Variants in MYO7A observed in about 807,000 individuals in gnomAD.
The protein encoded by MYO7A is unconventional myosin-VIIa.
MYO7A carries 210 observed loss-of-function variants against 263.8 expected under a neutral mutation model. The ratio of observed to expected loss-of-function variants is 0.80; its 90% CI spans 0.71 to 0.89. MYO7A has a LOEUF of 0.89. Ranked by LOEUF, MYO7A falls within the 40% of genes least tolerant of loss-of-function variation. The pLI is 0.00. For synonymous variants in MYO7A, 1,239 were observed against 1,197.3 expected (o/e 1.03, Z -0.72); for missense variants, 2,820 against 2,968.3 (o/e 0.95, Z 1.16).
Position 77,191,598 on chromosome 11 carries a change from G to GC in MYO7A, c.3925-452dup, listed in dbSNP as rs1484288057. On this transcript the variant is annotated intron_variant, in intron 30 of 48. Transcript: ENST00000409709. ...GAAGCAGCTGGAGTGTGGGCGTCCC[G>GC]CAGACTCACCTCGGAGGCTGGAGCC... Among the ~76,000 whole-genome samples the GC allele has an allele frequency of 3.9e-5, 6 of 152,316 alleles. No individual in the cohort carries two copies. In the East Asian group the frequency reaches 1.2e-3, roughly 29 times the overall value.
Position 77,155,988 on chromosome 11 carries a change from A to G in MYO7A, c.367A>G (p.Thr123Ala). 6.2e-7 allele frequency: 1 copy of G among 1,613,744 alleles called. No individual in the cohort carries two copies. The highest frequency in any genetic ancestry group is 8.5e-7 in the Non-Finnish European group (1 of 1,179,812). Residue 123 changes from threonine to alanine, a missense_variant, in exon 5 of 49, where the codon ACC becomes GCC. Thr to Ala is a moderately conservative substitution (Grantham distance 58). Coordinates refer to ENST00000409709, the MANE Select transcript of MYO7A (RefSeq NM_000260.4). ...IYSPEHIRQY[T>A]NKKIGEMPPH... ...CTCGCCAGAGCACATCCGCCAGTAT[A>G]CCAACAAGAAGATTGGGGAGATGCC... is the stretch of plus-strand genomic sequence containing the variant.
intron 16 of MYO7A, among the ~76,000 whole-genome samples, chr11:77,173,356 T>C (rs2035309537): frequency 6.6e-6 from 1 of 152,198 alleles, no homozygotes; most frequent in Admixed American, 6.5e-5. Context: ...CCTGGAAGCC[T>C]CCCCCATCTC....
intron 2 of MYO7A, among the ~76,000 whole-genome samples, chr11:77,142,287 G>A (rs781958103): frequency 6.6e-6 from 1 of 152,248 alleles, no homozygotes; most frequent in Non-Finnish European, 1.5e-5. Flanking sequence ...CCCTGGAGGT[G>A]AAGGAGGCTG....
chr11:77,145,584 C>T (rs782260023), intron 3 of MYO7A, among the ~76,000 whole-genome samples: 4 of 151,856 alleles, frequency 2.6e-5, no homozygotes, highest in East Asian at 3.9e-4. Flanking sequence ...GAGCGGGGAC[C>T]GCATGGGGGG....
chr11:77,158,139 G>C (rs1952669380), intron 8 of MYO7A, 138 bp from the exon 9 acceptor site: 1 of 802,042 alleles, frequency 1.2e-6, no homozygotes, highest in Admixed American at 3.4e-5. Flanking sequence ...GTGCTCACCG[G>C]GTGAGGTCAG....
In MYO7A at chr11:77,180,082, G is replaced by A. The variant is rs189272145; in HGVS notation, c.2586+129G>A. 1,525 of 1,008,524 alleles carry A rather than the reference G, an allele frequency of 1.5e-3. 1 individual carries two copies. Among genetic ancestry groups the A allele is most frequent in the Non-Finnish European group, 1.8e-3 (1,237 of 705,454 alleles). 62.5% of individuals were successfully genotyped at this position (1,008,524 alleles called of 1,614,324 possible). On this transcript the variant is annotated intron_variant, in intron 21 of 48. Coordinates refer to ENST00000409709, the MANE Select transcript of MYO7A (RefSeq NM_000260.4). Reference sequence around the variant, plus strand: ...CCTGCAGTTATGCCTGCTCTGAGGAGTGCACATACCTGGGACCAGACCCTC... The same window carrying A: ...CCTGCAGTTATGCCTGCTCTGAGGAATGCACATACCTGGGACCAGACCCTC...
At position 77,155,427 on chromosome 11, in the gene MYO7A, C is replaced by A. The variant is rs182899099; in HGVS notation, c.286-480C>A. Among the ~76,000 whole-genome samples, 81 of 152,324 alleles carry A rather than the reference C, an allele frequency of 5.3e-4. No individual in the cohort carries two copies. In the East Asian group the frequency reaches 0.011, roughly 21 times the overall value. On this transcript the variant is annotated intron_variant, in intron 4 of 48. Coordinates refer to ENST00000409709, the MANE Select transcript of MYO7A (RefSeq NM_000260.4). ...GCCACTTACCCCAGCTCCTTCAGCT[C>A]TTTATGGCTAATTTCTCACGCCCCT...
Position 77,202,295 on chromosome 11 carries a change from C to T in MYO7A, c.5044-5C>T, listed in dbSNP as rs1041052101. Reference sequence around the variant, plus strand: ...GACCTGAGCCCCCTGTCTCTTGGTCCCTAGGCCCTGGTCACCATGACTCCC... The same window carrying T: ...GACCTGAGCCCCCTGTCTCTTGGTCTCTAGGCCCTGGTCACCATGACTCCC... On this transcript the variant is annotated splice_region_variant and splice_polypyrimidine_tract_variant and intron_variant, in intron 36 of 48. Transcript: ENST00000409709. 6.3e-7 allele frequency: 1 copy of T among 1,583,252 alleles called. No homozygotes were observed. Among genetic ancestry groups the T allele is most frequent in the Non-Finnish European group, 8.6e-7 (1 of 1,163,750 alleles).
At chr11:77,170,285 G>A (rs181413635) in intron 15 of MYO7A, among the ~76,000 whole-genome samples, 5 of 152,278 alleles carry the variant, frequency 3.3e-5, no homozygotes, top group Admixed American at 3.3e-4. Flanking sequence ...TCCAGAGGAA[G>A]GGCTTTGCAG....
chr11:77,188,935 G>A (rs1342799200), intron 27 of MYO7A, among the ~76,000 whole-genome samples: 6 of 152,146 alleles, frequency 3.9e-5, no homozygotes, highest in Non-Finnish European at 7.3e-5. Flanking sequence ...ACCTGCTGCC[G>A]TGACTATGGG....
rs1555078805 is a variant in MYO7A, at chr11:77,174,751, G to C, written c.1936-5G>C. ...CCCTGATGCCCTTGGCTGTGTGCCT[G>C]GCAGCTGTTCGACCGGCACCTGTGC... On this transcript the variant is annotated splice_region_variant and splice_polypyrimidine_tract_variant and intron_variant, in intron 16 of 48. Transcript: ENST00000409709. 1 of 1,577,434 alleles carries C rather than the reference G, an allele frequency of 6.3e-7. No homozygotes were observed.
intron 15 of MYO7A, among the ~76,000 whole-genome samples, chr11:77,169,452 G>T (rs1057244789): frequency 3.9e-5 from 6 of 152,222 alleles, no homozygotes; most frequent in Admixed American, 1.3e-4. Context: ...TCCTGCCTGA[G>T]ACTTCCCAGC....
At chr11:77,213,651 A>G (rs1435262615) in intron 47 of MYO7A, among the ~76,000 whole-genome samples, 2 of 151,972 alleles carry the variant, frequency 1.3e-5, no homozygotes, top group Non-Finnish European at 2.9e-5. Flanking sequence ...GGCCCCAAGT[A>G]CCCAACAGCC....
intron 15 of MYO7A, among the ~76,000 whole-genome samples, chr11:77,170,493 G>A (rs1953989238): frequency 6.6e-6 from 1 of 152,188 alleles, no homozygotes; most frequent in Non-Finnish European, 1.5e-5. Flanking sequence ...TCATGCGAGT[G>A]AATCAAGGAG....
intron 32 of MYO7A, among the ~76,000 whole-genome samples, chr11:77,195,580 T>A (rs1476847898): frequency 6.6e-6 from 1 of 152,236 alleles, no homozygotes; most frequent in Non-Finnish European, 1.5e-5. Context: ...TGGGCATTTG[T>A]CATGTGCTGG....
Position 77,214,884 on chromosome 11 carries a change from G to A in MYO7A, c.*188G>A. 1.8e-6 allele frequency: 1 copy of A among 570,878 alleles called. No homozygotes were observed. Among genetic ancestry groups the A allele is most frequent in the Non-Finnish European group, 3.1e-6 (1 of 321,748 alleles). The allele number at this position is 570,878 out of a possible 1,614,324, so 35.4% of individuals were successfully genotyped here. ...CAGTGAGGCATCTCTCTGGGATGCAGAACTTCCCTCCATCCACCCCTCTGG... is the reference window on the plus strand; with the variant it reads ...CAGTGAGGCATCTCTCTGGGATGCAAAACTTCCCTCCATCCACCCCTCTGG... On this transcript the variant is annotated 3_prime_UTR_variant, in exon 49 of 49. Transcript: ENST00000409709.
intron 48 of MYO7A, 22 bp downstream of exon 48, chr11:77,214,001 C>T (rs1958017518): frequency 6.2e-7 from 1 of 1,613,230 alleles, no homozygotes; most frequent in East Asian, 2.2e-5. Context: ...TCCTGCTGGG[C>T]CTAGTGGGCT....
chr11:77,207,204 T>G, intron 41 of MYO7A, 85 bp from the exon 42 acceptor site: 2 of 898,758 alleles, frequency 2.2e-6, no homozygotes, highest in Non-Finnish European at 3.5e-6. Flanking sequence ...GGGGGCTCAG[T>G]ATAGGAGGCA....
Position 77,183,685 on chromosome 11 carries a change from C to G in MYO7A, c.3375+528C>G, listed in dbSNP as rs1006000394. On this transcript the variant is annotated intron_variant, in intron 26 of 48. Transcript: ENST00000409709. ...AGGCAGACACAAACCAAGGCATTCA[C>G]AGCCTTGGGGGCCAGGCCCCCATCC... Among the ~76,000 whole-genome samples the G allele has an allele frequency of 4.6e-5, 7 of 152,292 alleles. No individual in the cohort carries two copies. The East Asian group carries it at 1.4e-3, about 29-fold the overall frequency.
Sources: allele counts gnomAD v4.1 joint callset (sites outside exome capture counted in the v4.1 genomes callset), GRCh38; gene constraint gnomAD v4.1.1; transcripts MANE v1.5; gene names NCBI Gene and HGNC (gene_info 2026-07-23, HGNC 2026-07-21).